OPCML: variants seen among roughly 807,000 people sequenced by gnomAD.
OPCML encodes the protein opioid binding protein/cell adhesion molecule like.
A neutral mutation model predicts 37.8 loss-of-function variants in OPCML; 13 were observed. That is an observed-to-expected ratio of 0.34 (90% CI 0.22 to 0.55). OPCML has a LOEUF of 0.55. Among genes scored for constraint, OPCML ranks in the 20% least tolerant of loss-of-function variants. The pLI, the probability that OPCML is intolerant of heterozygous loss-of-function variation, is 0.91. For synonymous variants in OPCML, 176 were observed against 168.8 expected (o/e 1.04, Z -0.33); for missense variants, 341 against 435.6 (o/e 0.78, Z 1.93).
At chr11:133,404,080 G>A (rs571474634) in intron 1 of OPCML, among the ~76,000 whole-genome samples, 7 of 152,264 alleles carry the variant, frequency 4.6e-5, no homozygotes, top group South Asian at 2.1e-4. Flanking sequence ...TGTGCTCTGC[G>A]GCTCTGCTCT....
At chr11:133,015,701 T>G (rs1947320326) in intron 1 of OPCML, among the ~76,000 whole-genome samples, 1 of 152,202 alleles carries the variant, frequency 6.6e-6, no homozygotes, top group Non-Finnish European at 1.5e-5. Flanking sequence ...TTCCACATAC[T>G]GACTGTTGCC....
intron 1 of OPCML, among the ~76,000 whole-genome samples, chr11:133,060,974 C>T (rs1000172127): frequency 6.6e-6 from 1 of 152,190 alleles, no homozygotes; most frequent in Non-Finnish European, 1.5e-5. Context: ...TAAAGTGTGT[C>T]TAAGAGGGAT....
At chr11:132,553,534 T>A (rs1053473560) in intron 3 of OPCML, among the ~76,000 whole-genome samples, 4 of 152,128 alleles carry the variant, frequency 2.6e-5, no homozygotes, top group Non-Finnish European at 5.9e-5. Flanking sequence ...GCTGAGTGCA[T>A]CTCTGTGAGG....
intron 1 of OPCML, among the ~76,000 whole-genome samples, chr11:133,103,249 T>C (rs1465587577): frequency 6.6e-6 from 1 of 152,240 alleles, no homozygotes; most frequent in African/African-American, 2.4e-5. Context: ...TTTACACGTC[T>C]ACTAGTTTCC....
chr11:133,368,606 T>C (rs1231137452), intron 1 of OPCML, among the ~76,000 whole-genome samples: 2 of 152,226 alleles, frequency 1.3e-5, no homozygotes, highest in Non-Finnish European at 1.5e-5. Context: ...TTTACACTAC[T>C]ATGAGAGCAC....
chr11:133,130,888 CA>C (rs375003981), intron 1 of OPCML, among the ~76,000 whole-genome samples: 2,489 of 147,020 alleles, frequency 0.017, 54 homozygotes, highest in African/African-American at 0.045. Flanking sequence ...TATCCACATG[CA>C]AAAAAAAAAT....
At chr11:133,439,570 T>C (rs937884879) in intron 1 of OPCML, among the ~76,000 whole-genome samples, 15 of 152,154 alleles carry the variant, frequency 9.9e-5, no homozygotes, top group East Asian at 1.9e-4. Context: ...CAGGTTCACG[T>C]CATTCTCCTG....
chr11:132,867,786 C>A (rs1942633162), intron 2 of OPCML, among the ~76,000 whole-genome samples: 2 of 152,148 alleles, frequency 1.3e-5, no homozygotes, highest in Non-Finnish European at 2.9e-5. Flanking sequence ...TAACACCTAA[C>A]CTATGTTTGA....
intron 3 of OPCML, among the ~76,000 whole-genome samples, chr11:132,595,887 T>C (rs1400609025): frequency 2.0e-5 from 3 of 152,236 alleles, no homozygotes; most frequent in Non-Finnish European, 4.4e-5. Context: ...ATGGACAGCA[T>C]ATGCCTGAAT....
chr11:133,127,824 A>G (rs1949540189), intron 1 of OPCML, among the ~76,000 whole-genome samples: 1 of 152,104 alleles, frequency 6.6e-6, no homozygotes, highest in Admixed American at 6.6e-5. Flanking sequence ...GGACTATGCA[A>G]GCATCAAGGA....
intron 1 of OPCML, among the ~76,000 whole-genome samples, chr11:133,142,403 C>G (rs1949836526): frequency 6.6e-6 from 1 of 152,176 alleles, no homozygotes; most frequent in Non-Finnish European, 1.5e-5. Context: ...GAAAGTCTTC[C>G]CAGCTTCACA....
chr11:133,052,962 C>G (rs1948158742), intron 1 of OPCML, among the ~76,000 whole-genome samples: 1 of 152,204 alleles, frequency 6.6e-6, no homozygotes, highest in South Asian at 2.1e-4. Context: ...AATTAAACCT[C>G]CCTCACTTTT....
chr11:133,207,053 C>A (rs772044537), intron 1 of OPCML, among the ~76,000 whole-genome samples: 3 of 149,796 alleles, frequency 2.0e-5, no homozygotes, highest in Non-Finnish European at 3.0e-5. Context: ...TTTGGGAGGC[C>A]GAGGCGGGCG....
chr11:132,606,475 G>A (rs1565705291), intron 3 of OPCML, among the ~76,000 whole-genome samples: 1 of 152,114 alleles, frequency 6.6e-6, no homozygotes, highest in Non-Finnish European at 1.5e-5. Context: ...TGATGTCTGC[G>A]GGGTTTGCTT....
intron 1 of OPCML, among the ~76,000 whole-genome samples, chr11:133,511,697 T>G (rs1337692562): frequency 6.6e-6 from 1 of 151,916 alleles, no homozygotes; most frequent in Non-Finnish European, 1.5e-5. Context: ...CATAGCCTGA[T>G]GTACTTTTTT....
At chr11:133,250,713 C>T (rs1941104105) in intron 1 of OPCML, among the ~76,000 whole-genome samples, 1 of 152,192 alleles carries the variant, frequency 6.6e-6, no homozygotes, top group African/African-American at 2.4e-5. Flanking sequence ...CCAAGAACCA[C>T]ATTAGGAGAC....
intron 1 of OPCML, among the ~76,000 whole-genome samples, chr11:133,127,202 G>A (rs1297664937): frequency 6.6e-6 from 1 of 152,070 alleles, no homozygotes; most frequent in Admixed American, 6.6e-5. Context: ...TAGATCCCTG[G>A]TAATTTAAAG....
chr11:133,412,970 G>A (rs1945681086), intron 1 of OPCML, among the ~76,000 whole-genome samples: 1 of 152,112 alleles, frequency 6.6e-6, no homozygotes, highest in Non-Finnish European at 1.5e-5. Context: ...TTCTTTGGGA[G>A]GACTTACATT....
At chr11:132,911,760 A>G (rs1286138819) in intron 2 of OPCML, among the ~76,000 whole-genome samples, 1 of 152,176 alleles carries the variant, frequency 6.6e-6, no homozygotes, top group African/African-American at 2.4e-5. Flanking sequence ...CCCTTTCTCC[A>G]TTTAGTCCAA....
Sources: allele counts gnomAD v4.1 joint callset (sites outside exome capture counted in the v4.1 genomes callset), GRCh38; gene constraint gnomAD v4.1.1; transcripts MANE v1.5; gene names NCBI Gene and HGNC (gene_info 2026-07-23, HGNC 2026-07-21).